SPOCK1: variants seen among roughly 807,000 people sequenced by gnomAD.
SPOCK1 encodes the protein SPARC (osteonectin), cwcv and kazal like domains proteoglycan 1, also known as testican-1.
SPOCK1 carries 23 observed loss-of-function variants against 55.3 expected under a neutral mutation model. The observed-to-expected ratio is 0.42, with a 90% CI of 0.30 to 0.59. SPOCK1 has a LOEUF of 0.59. Among genes scored for constraint, SPOCK1 ranks in the 20% least tolerant of loss-of-function variants. The pLI is 0.22. For missense variants in SPOCK1, 499 were observed against 552.5 expected (o/e 0.90, Z 0.97); for synonymous variants, 226 against 221.0 (o/e 1.02, Z -0.20).
At chr5:137,089,012 C>T (rs11747187) in intron 5 of SPOCK1, among the ~76,000 whole-genome samples, 60,709 of 151,854 alleles carry the variant, frequency 0.4, 12,932 homozygotes, top group Non-Finnish European at 0.48. Flanking sequence ...GTCAACATGC[C>T]GAGAGAGGAG....
At chr5:137,189,388 A>G (rs931749303) in intron 3 of SPOCK1, among the ~76,000 whole-genome samples, 16 of 152,216 alleles carry the variant, frequency 1.1e-4, no homozygotes, top group Non-Finnish European at 1.8e-4. Flanking sequence ...GCCAGTGCTC[A>G]TTTACCATTC....
intron 6 of SPOCK1, among the ~76,000 whole-genome samples, chr5:137,038,382 A>G (rs1229356341): frequency 6.6e-6 from 1 of 152,206 alleles, no homozygotes; most frequent in African/African-American, 2.4e-5. Context: ...AGGCCTGGGA[A>G]GGGATGAAGA....
intron 2 of SPOCK1, among the ~76,000 whole-genome samples, chr5:137,401,074 G>A (rs548739412): frequency 6.6e-6 from 1 of 152,034 alleles, no homozygotes; most frequent in East Asian, 1.9e-4. Context: ...AAGCATCCTT[G>A]TACCAAATCC....
At chr5:137,420,390 C>A (rs1051232198) in intron 2 of SPOCK1, among the ~76,000 whole-genome samples, 1 of 152,156 alleles carries the variant, frequency 6.6e-6, no homozygotes. Flanking sequence ...CCTCCTTGTA[C>A]CTCTGGTAGA....
At chr5:137,309,295 T>C (rs1757750832) in intron 2 of SPOCK1, among the ~76,000 whole-genome samples, 1 of 150,862 alleles carries the variant, frequency 6.6e-6, no homozygotes, top group Non-Finnish European at 1.5e-5. Flanking sequence ...GAAAACTGTA[T>C]GGATAAGGAG....
At chr5:137,252,405 GCAGT>G (rs2127106937) in intron 3 of SPOCK1, among the ~76,000 whole-genome samples, 1 of 152,288 alleles carries the variant, frequency 6.6e-6, no homozygotes, top group African/African-American at 2.4e-5. Flanking sequence ...AACGTGGATG[GCAGT>G]CATGATCACA....
intron 2 of SPOCK1, among the ~76,000 whole-genome samples, chr5:137,427,652 G>A (rs868300978): frequency 2.0e-5 from 3 of 152,300 alleles, no homozygotes; most frequent in South Asian, 2.1e-4. Flanking sequence ...GCTCACACCT[G>A]TAATCCCAGC....
At chr5:137,044,800 G>C (rs377648337) in intron 6 of SPOCK1, among the ~76,000 whole-genome samples, 50 of 108,326 alleles carry the variant, frequency 4.6e-4, no homozygotes, top group East Asian at 3.8e-3. Context: ...CCCCTCCCCC[G>C]ACCCCACCAC....
chr5:136,993,281 T>A (rs576607085), intron 6 of SPOCK1: 1 of 152,274 alleles, frequency 6.6e-6, no homozygotes, highest in Admixed American at 6.5e-5. Flanking sequence ...TCCAGACAGA[T>A]GGATGGGTGG....
intron 2 of SPOCK1, among the ~76,000 whole-genome samples, chr5:137,333,552 C>T (rs1327042593): frequency 6.6e-6 from 1 of 152,074 alleles, no homozygotes; most frequent in Non-Finnish European, 1.5e-5. Context: ...TAAGTCCGGG[C>T]CTGAGGATGT....
chr5:137,364,935 C>A (rs1325725329), intron 2 of SPOCK1: 1 of 152,204 alleles, frequency 6.6e-6, no homozygotes, highest in African/African-American at 2.4e-5. Flanking sequence ...ATGCAAACTG[C>A]TCCTTCATAC....
chr5:137,367,779 C>A (rs762289303), intron 2 of SPOCK1, among the ~76,000 whole-genome samples: 1 of 152,220 alleles, frequency 6.6e-6, no homozygotes, highest in Non-Finnish European at 1.5e-5. Flanking sequence ...CATTTAGGCA[C>A]CAACTACCTG....
chr5:136,995,842 C>A (rs1474016133), intron 6 of SPOCK1, among the ~76,000 whole-genome samples: 1 of 152,158 alleles, frequency 6.6e-6, no homozygotes, highest in Non-Finnish European at 1.5e-5. Context: ...CACTCAGGGA[C>A]AAGTCCACTA....
rs76858121 is a variant in SPOCK1 at position 137,310,614 on chromosome 5, G to A, written c.187-43559C>T. Among the ~76,000 whole-genome samples, 489 of 152,268 alleles carry A rather than the reference G, an allele frequency of 3.2e-3. 6 individuals carry two copies. Among genetic ancestry groups the A allele is most frequent in the African/African-American group, 0.011 (462 of 41,552 alleles). On this transcript the variant is annotated intron_variant, in intron 2 of 10. Coordinates refer to ENST00000394945, the MANE Select transcript of SPOCK1 (RefSeq NM_004598.4). ...AATTTGCACAAAAATCTCCAGCCCT[G>A]TCATCCAACAACTCTTTGGCATTTT...
At chr5:137,220,723 T>C (rs1253502845) in intron 3 of SPOCK1, among the ~76,000 whole-genome samples, 6 of 152,186 alleles carry the variant, frequency 3.9e-5, no homozygotes, top group Non-Finnish European at 1.5e-5. Flanking sequence ...GAATCACTGC[T>C]CAGCAGGCAC....
intron 3 of SPOCK1, among the ~76,000 whole-genome samples, chr5:137,199,458 A>G (rs965003768): frequency 2.6e-5 from 4 of 152,012 alleles, no homozygotes; most frequent in African/African-American, 7.2e-5. Context: ...TTTGAGCACA[A>G]AGTTGACGAG....
intron 3 of SPOCK1, 77 bp from the exon 4 acceptor site, chr5:137,140,771 T>TTG: frequency 9.9e-7 from 1 of 1,009,140 alleles, no homozygotes; most frequent in Non-Finnish European, 1.4e-6. Flanking sequence ...TTTTTTTTTT[T>TTG]TTGTTGAGAC....
chr5:137,385,012 G>A (rs1486520218), intron 2 of SPOCK1, among the ~76,000 whole-genome samples: 1 of 152,122 alleles, frequency 6.6e-6, no homozygotes, highest in Non-Finnish European at 1.5e-5. Flanking sequence ...ATCACATGGA[G>A]TTATTTAGAT....
chr5:137,009,119 C>T (rs1336066607), intron 6 of SPOCK1, among the ~76,000 whole-genome samples: 2 of 152,110 alleles, frequency 1.3e-5, no homozygotes, highest in Admixed American at 1.3e-4. Flanking sequence ...CAGACCAGGT[C>T]ACAAAGAGAA....
Sources: allele counts gnomAD v4.1 joint callset (sites outside exome capture counted in the v4.1 genomes callset), GRCh38; gene constraint gnomAD v4.1.1; transcripts MANE v1.5; gene names NCBI Gene and HGNC (gene_info 2026-07-23, HGNC 2026-07-21).